MECOM: variants seen among roughly 807,000 people sequenced by gnomAD.
MECOM encodes the protein histone-lysine N-methyltransferase MECOM.
MECOM carries 13 observed loss-of-function variants against 116.3 expected under a neutral mutation model. The observed-to-expected ratio is 0.11, with a 90% confidence interval of 0.07 to 0.18. MECOM has a LOEUF of 0.18. Among genes scored for constraint, MECOM ranks in the 10% least tolerant of loss-of-function variants. The probability of loss-of-function intolerance (pLI) is 1.00; values close to 1 mark genes in which losing one functional copy is unlikely to be tolerated. For missense variants in MECOM, 1,299 were observed against 1,509.0 expected (o/e 0.86, Z 2.31); for synonymous variants, 528 against 535.2 (o/e 0.99, Z 0.19).
intron 1 of MECOM, among the ~76,000 whole-genome samples, chr3:169,387,535 A>T (rs1431409864): frequency 6.6e-6 from 1 of 152,242 alleles, no homozygotes; most frequent in Non-Finnish European, 1.5e-5. Flanking sequence ...AGTAACATGA[A>T]TAATTTTTCT....
chr3:169,598,397 C>G (rs1577052715), intron 1 of MECOM, among the ~76,000 whole-genome samples: 3 of 152,164 alleles, frequency 2.0e-5, no homozygotes, highest in African/African-American at 7.2e-5. Flanking sequence ...AAATATACAT[C>G]TGCCAATAAA....
chr3:169,360,482 C>G (rs981363047), intron 2 of MECOM, among the ~76,000 whole-genome samples: 1 of 151,504 alleles, frequency 6.6e-6, no homozygotes, highest in African/African-American at 2.4e-5. Flanking sequence ...CCCAGAAAGT[C>G]CCAGGACTCA....
At chr3:169,296,372 C>T (rs1036165359) in intron 2 of MECOM, among the ~76,000 whole-genome samples, 3 of 152,156 alleles carry the variant, frequency 2.0e-5, no homozygotes, top group Admixed American at 2.0e-4. Context: ...ATATTCTTGG[C>T]GGCAGGCTGG....
chr3:169,429,570 G>A (rs1230508744), intron 1 of MECOM, among the ~76,000 whole-genome samples: 2 of 152,142 alleles, frequency 1.3e-5, no homozygotes, highest in African/African-American at 4.8e-5. Context: ...TACCAGATGA[G>A]ATGTAAAGTT....
At chr3:169,170,418 A>C (rs963948014) in intron 2 of MECOM, among the ~76,000 whole-genome samples, 1 of 151,772 alleles carries the variant, frequency 6.6e-6, no homozygotes, top group East Asian at 1.9e-4. Flanking sequence ...AAAAAAAAAA[A>C]AAAAAAAAAA....
At chr3:169,426,531 G>T (rs1740727187) in intron 1 of MECOM, among the ~76,000 whole-genome samples, 1 of 152,174 alleles carries the variant, frequency 6.6e-6, no homozygotes, top group Non-Finnish European at 1.5e-5. Flanking sequence ...ATTAATGTTT[G>T]CCTTCCATCC....
At chr3:169,278,563 G>A (rs982286272) in intron 2 of MECOM, among the ~76,000 whole-genome samples, 18 of 152,186 alleles carry the variant, frequency 1.2e-4, no homozygotes, top group African/African-American at 4.3e-4. Context: ...ACCTGCTAAG[G>A]ATGGTTTCCA....
At chr3:169,317,772 G>A (rs1021993002) in intron 2 of MECOM, among the ~76,000 whole-genome samples, 1 of 152,112 alleles carries the variant, frequency 6.6e-6, no homozygotes, top group African/African-American at 2.4e-5. Context: ...AGAAGAAAAT[G>A]CTTTAAATGT....
At chr3:169,612,909 A>C (rs1214792615) in intron 1 of MECOM, among the ~76,000 whole-genome samples, 1 of 152,180 alleles carries the variant, frequency 6.6e-6, no homozygotes, top group South Asian at 2.1e-4. Flanking sequence ...TTTCAGCTGG[A>C]CTCATCATCA....
intron 1 of MECOM, among the ~76,000 whole-genome samples, chr3:169,565,626 A>G (rs1487793333): frequency 6.6e-6 from 1 of 152,184 alleles, no homozygotes; most frequent in Non-Finnish European, 1.5e-5. Flanking sequence ...GAGACTTCCC[A>G]GCTTCCCACT....
chr3:169,393,618 A>G (rs1336082337), intron 1 of MECOM, among the ~76,000 whole-genome samples: 1 of 152,172 alleles, frequency 6.6e-6, no homozygotes. Context: ...CATGATATAA[A>G]ACAACTCTTA....
At chr3:169,144,917 C>T (rs1739299730) in intron 2 of MECOM, 1 of 1,057,170 alleles carries the variant, frequency 9.5e-7, no homozygotes, top group Non-Finnish European at 1.4e-6. Context: ...TAAAATTAAA[C>T]TCTTGAGTAC....
intron 2 of MECOM, among the ~76,000 whole-genome samples, chr3:169,373,061 G>A (rs1047693711): frequency 5.3e-5 from 8 of 151,938 alleles, no homozygotes; most frequent in Admixed American, 3.3e-4. Context: ...TAATCAATCC[G>A]TAACTCTAAA....
At chr3:169,324,787 C>T (rs1373341247) in intron 2 of MECOM, among the ~76,000 whole-genome samples, 6 of 152,174 alleles carry the variant, frequency 3.9e-5, no homozygotes, top group Admixed American at 6.5e-5. Context: ...ATGCCGTTAA[C>T]GCAGTTTGCC....
intron 1 of MECOM, among the ~76,000 whole-genome samples, chr3:169,526,810 A>G (rs184544403): frequency 2.4e-4 from 36 of 152,260 alleles, no homozygotes; most frequent in Middle Eastern, 3.4e-3. Context: ...GCATGTCAGT[A>G]TGCTTGTTTG....
At chr3:169,245,444 G>C (rs750948868) in intron 2 of MECOM, among the ~76,000 whole-genome samples, 2 of 152,104 alleles carry the variant, frequency 1.3e-5, no homozygotes, top group Non-Finnish European at 2.9e-5. Context: ...ACATTAAAAA[G>C]GTGGCTTAGT....
intron 2 of MECOM, among the ~76,000 whole-genome samples, chr3:169,208,390 T>A (rs1171868128): frequency 6.6e-6 from 1 of 150,968 alleles, no homozygotes; most frequent in Non-Finnish European, 1.5e-5. Context: ...TTGTGTGAAA[T>A]GCCTTCACTC....
At chr3:169,492,095 A>G (rs747340743) in intron 1 of MECOM, among the ~76,000 whole-genome samples, 1 of 152,200 alleles carries the variant, frequency 6.6e-6, no homozygotes, top group Non-Finnish European at 1.5e-5. Flanking sequence ...CAGCACAAAC[A>G]CACATTCAGT....
intron 2 of MECOM, among the ~76,000 whole-genome samples, chr3:169,273,659 A>T (rs1759226344): frequency 6.6e-6 from 1 of 152,190 alleles, no homozygotes; most frequent in Non-Finnish European, 1.5e-5. Flanking sequence ...ACTAGGGTGT[A>T]TGCAGCGAGT....
Sources: gnomAD v4.1 joint callset for allele counts (sites outside exome capture counted in the v4.1 genomes callset) on GRCh38, gnomAD v4.1.1 for gene constraint, MANE v1.5 for transcripts, NCBI Gene and HGNC (gene_info 2026-07-23, HGNC 2026-07-21) for gene names.